Variants in STK10 observed in about 807,000 individuals in gnomAD.
STK10 encodes serine/threonine-protein kinase 10.
Under a neutral mutation model 113.8 loss-of-function variants are expected in STK10, and 78 were observed. The observed-to-expected ratio is 0.69, with a 90% CI of 0.57 to 0.83. STK10 has a LOEUF of 0.83. Ranked by LOEUF, STK10 falls within the 40% of genes least tolerant of loss-of-function variation. STK10 has a pLI of 0.00. For synonymous variants in STK10, 465 were observed against 494.7 expected, an observed-to-expected ratio of 0.94 and a Z score of 0.80; for missense variants, 1,109 against 1,280.1, an observed-to-expected ratio of 0.87 and a Z score of 2.04.
At chr5:172,068,035 T>TC (rs1768105698) in intron 12 of STK10, among the ~76,000 whole-genome samples, 1 of 152,274 alleles carries the variant, frequency 6.6e-6, no homozygotes, top group African/African-American at 2.4e-5. Context: ...CACCGGAGTA[T>TC]CATCCTTAAA....
chr5:172,053,019 T>A lies in STK10; in HGVS notation c.2676A>T (p.Val892=), dbSNP rs1307197665. ...QLQNEKCHLL[V]EHETQKLKAL... is the part of the protein sequence containing the mutation. Reference sequence around the variant, plus strand: ...CCTTCAGTTTCTGGGTTTCGTGCTCTACCAGGAGGTGGCACTTTTCATTCT... The same window carrying A: ...CCTTCAGTTTCTGGGTTTCGTGCTCAACCAGGAGGTGGCACTTTTCATTCT... The change falls in exon 18 of 19, where the codon GTA becomes GTT. Residue 892 remains valine (V), a synonymous_variant. Coordinates refer to ENST00000176763, the MANE Select transcript of STK10 (RefSeq NM_005990.4). The A allele has an allele frequency of 6.2e-7, 1 of 1,614,058 alleles. No individual in the cohort carries two copies. The highest frequency in any genetic ancestry group is 8.5e-7 in the Non-Finnish European group (1 of 1,180,034).
Position 172,093,453 on chromosome 5 carries a change from C to A in STK10, c.1513G>T (p.Asp505Tyr). The stretch of plus-strand genomic sequence containing the variant: ...CCCATCTCTTTGTTCAGCGACAGGT[C>A]AGTGGAGAGATTGGTACCATAGTCC... ...SMDYGTNLST[D>Y]LSLNKEMGSL... The change falls in exon 9 of 19, where the codon GAC (aspartate) becomes TAC (tyrosine). Residue 505 changes from aspartate to tyrosine, a missense_variant. Asp to Tyr is a radical substitution (Grantham distance 160). This residue lies in a region of STK10 where 885 missense variants were observed against 991.1 expected (regional missense o/e 0.89). Coordinates refer to ENST00000176763, the MANE Select transcript of STK10 (RefSeq NM_005990.4). The surrounding 1 kb of genome is among the most constrained non-coding windows in gnomAD (Gnocchi z 4.1). The A allele has an allele frequency of 6.2e-7, 1 of 1,613,132 alleles. No homozygotes were observed. Among genetic ancestry groups the A allele is most frequent in the South Asian group, 1.1e-5 (1 of 91,008 alleles).
At chr5:172,160,050 T>C (rs1252228828) in intron 1 of STK10, among the ~76,000 whole-genome samples, 1 of 151,552 alleles carries the variant, frequency 6.6e-6, no homozygotes, top group Non-Finnish European at 1.5e-5. Context: ...GCAGGAGAAC[T>C]GCTTGAACTC....
chr5:172,087,360 C>T (rs771388833), intron 10 of STK10, among the ~76,000 whole-genome samples: 11 of 151,774 alleles, frequency 7.2e-5, no homozygotes, highest in Non-Finnish European at 1.2e-4. Flanking sequence ...CTGCAACCTC[C>T]GCCTCCTGGG....
intron 12 of STK10, among the ~76,000 whole-genome samples, chr5:172,079,569 ATTTAT>A (rs1421957495): frequency 5.7e-5 from 8 of 140,660 alleles, no homozygotes; most frequent in South Asian, 2.1e-4. Flanking sequence ...TTATTTATTT[ATTTAT>A]TTTTGAGATG....
intron 4 of STK10, chr5:172,114,473 A>ATATATATATATATTT (rs1226289994): frequency 2.1e-5 from 1 of 47,538 alleles, no homozygotes; most frequent in Non-Finnish European, 3.2e-5. Context: ...ATATATATAT[A>ATATATATATATATTT]TTTTTTTTTT....
rs1460451088 is a variant in STK10, at chr5:172,043,875, G to C, written c.*1007C>G. ...CTCCTGAACACAGTCGGGGGGATGG[G>C]GCAGAGGCAAACAGCCCTCCTGTTT... On this transcript the variant is annotated 3_prime_UTR_variant, in exon 19 of 19. Transcript: ENST00000176763. 1 of 152,316 alleles carries C rather than the reference G, an allele frequency of 6.6e-6. No homozygotes were observed. The highest frequency in any genetic ancestry group is 2.4e-5 in the African/African-American group (1 of 41,456). 9.4% of individuals were successfully genotyped at this position (152,316 alleles called of 1,614,324 possible).
intron 9 of STK10, among the ~76,000 whole-genome samples, chr5:172,090,679 G>A (rs904304960): frequency 2.6e-5 from 4 of 151,924 alleles, no homozygotes; most frequent in African/African-American, 7.3e-5. Context: ...GCTTACGCTT[G>A]TAATCCCAGC....
chr5:172,159,801 A>C (rs2339360), intron 1 of STK10, among the ~76,000 whole-genome samples: 101,285 of 151,152 alleles, frequency 0.67, 35,511 homozygotes, highest in African/African-American at 0.91. Context: ...CCAGACTAGA[A>C]AACAAAGCAA....
chr5:172,177,164 G>A (rs1382068436), intron 1 of STK10, among the ~76,000 whole-genome samples: 1 of 135,388 alleles, frequency 7.4e-6, no homozygotes, highest in African/African-American at 3.3e-5. Context: ...ATGAAGGAGT[G>A]CAGTCTTTAA....
intron 12 of STK10, among the ~76,000 whole-genome samples, chr5:172,078,814 C>T (rs1487332641): frequency 6.6e-6 from 1 of 151,896 alleles, no homozygotes; most frequent in Non-Finnish European, 1.5e-5. Context: ...TTCCTGGAAC[C>T]CTGCTGGTGA....
At chr5:172,113,124 A>C (rs1581162664) in intron 4 of STK10, among the ~76,000 whole-genome samples, 1 of 152,206 alleles carries the variant, frequency 6.6e-6, no homozygotes, top group Non-Finnish European at 1.5e-5. Flanking sequence ...ATATGTAGCA[A>C]AGTTTTTTGG....
chr5:172,123,417 T>C (rs868543916), intron 3 of STK10, among the ~76,000 whole-genome samples: 1 of 152,156 alleles, frequency 6.6e-6, no homozygotes, highest in Non-Finnish European at 1.5e-5. Flanking sequence ...AGAGAAGGGT[T>C]TGTCTGCTGG....
At chr5:172,117,767 C>A (rs1264644813) in intron 3 of STK10, 137 bp from the exon 4 acceptor site, 3 of 1,237,174 alleles carry the variant, frequency 2.4e-6, no homozygotes, top group Non-Finnish European at 3.3e-6. Flanking sequence ...GTAATCCCAG[C>A]ACTTTGAGAG....
At chr5:172,076,235 G>T (rs1768303665) in intron 12 of STK10, among the ~76,000 whole-genome samples, 1 of 86,552 alleles carries the variant, frequency 1.2e-5, no homozygotes, top group Admixed American at 1.1e-4. Context: ...TGCATTTGTT[G>T]TGGGGGCGTC....
intron 18 of STK10, 41 bp downstream of exon 18, chr5:172,052,888 G>A: frequency 6.3e-7 from 1 of 1,599,202 alleles, no homozygotes; most frequent in Non-Finnish European, 8.6e-7. Flanking sequence ...ATGGCACAGA[G>A]CAGAGCCCGA....
intron 12 of STK10, among the ~76,000 whole-genome samples, chr5:172,065,697 C>T (rs1396060268): frequency 1.3e-5 from 2 of 152,138 alleles, no homozygotes; most frequent in African/African-American, 4.8e-5. Flanking sequence ...CTCACTGGTC[C>T]AGTGTGAGCT....
At chr5:172,066,653 T>C (rs1288915957) in intron 12 of STK10, among the ~76,000 whole-genome samples, 1 of 152,148 alleles carries the variant, frequency 6.6e-6, no homozygotes, top group African/African-American at 2.4e-5. Flanking sequence ...CCGGGTGTGG[T>C]GGCACATGCC....
Position 172,133,398 on chromosome 5 carries a change from G to A in STK10, c.322-5977C>T, listed in dbSNP as rs1769795154. On this transcript the variant is annotated intron_variant, in intron 2 of 18. Transcript: ENST00000176763. This position sits in a 1 kb window ranked among gnomAD's most constrained non-coding sequence, Gnocchi z 4.9. ...CTACCTCCCCCTCCACATACACCAT[G>A]TCTTCCTTCCCCTTTGTGAAATAGC... 6.6e-6 allele frequency among the ~76,000 whole-genome samples: 1 copy of A among 152,174 alleles called. No individual in the cohort carries two copies. Among genetic ancestry groups the A allele is most frequent in the South Asian group, 2.1e-4 (1 of 4,832 alleles).
Sources: allele counts gnomAD v4.1 joint callset (sites outside exome capture counted in the v4.1 genomes callset), GRCh38; gene constraint gnomAD v4.1.1; regional missense constraint gnomAD v4.1.1; non-coding constraint Gnocchi (gnomAD v3.1); transcripts MANE v1.5; gene names NCBI Gene and HGNC (gene_info 2026-07-23, HGNC 2026-07-21).